Variants in APCDD1 observed in about 807,000 individuals in gnomAD.
APCDD1 encodes protein APCDD1.
A neutral mutation model predicts 38.1 loss-of-function variants in APCDD1; 15 were observed. That is an observed-to-expected ratio of 0.39 (90% CI 0.26 to 0.61). The LOEUF (loss-of-function observed/expected upper bound fraction) is 0.61. Ranked by LOEUF, APCDD1 falls within the 20% of genes least tolerant of loss-of-function variation. The probability of loss-of-function intolerance (pLI) is 0.49; values close to 1 mark genes in which losing one functional copy is unlikely to be tolerated. For synonymous variants in APCDD1, 261 were observed against 279.7 expected, an observed-to-expected ratio of 0.93 and a Z score of 0.67; for missense variants, 647 against 696.2, an observed-to-expected ratio of 0.93 and a Z score of 0.79.
rs2031331806 is a variant in APCDD1, at chr18:10,489,821, G to GA, written c.*1783_*1784insA. 1 of 152,036 alleles carries GA rather than the reference G, an allele frequency of 6.6e-6. No individual in the cohort carries two copies. The highest frequency in any genetic ancestry group is 2.4e-5 in the African/African-American group (1 of 41,392). The allele number at this position is 152,036 out of a possible 1,614,324, so 9.4% of individuals were successfully genotyped here. On this transcript the variant is annotated 3_prime_UTR_variant, in exon 5 of 5. Coordinates refer to ENST00000355285, the MANE Select transcript of APCDD1 (RefSeq NM_153000.5). ...TTTAAGTTGTGGTGCAGACTGAGGG[G>GA]GCTTATTCAAAATGAAAATACTAAC...
At chr18:10,455,130 G>C in intron 1 of APCDD1, 91 bp downstream of exon 1, 1 of 1,527,014 alleles carries the variant, frequency 6.5e-7, no homozygotes, top group Non-Finnish European at 8.8e-7. Flanking sequence ...CTGGATCGCG[G>C]CACGGCCTAC....
At chr18:10,461,768 C>T (rs995713836) in intron 1 of APCDD1, among the ~76,000 whole-genome samples, 44 of 152,248 alleles carry the variant, frequency 2.9e-4, no homozygotes, top group African/African-American at 1.0e-3. Flanking sequence ...CTCTTTTTTG[C>T]AGATTCACTC....
intron 3 of APCDD1, among the ~76,000 whole-genome samples, chr18:10,480,899 A>G (rs1215559845): frequency 6.6e-6 from 1 of 151,922 alleles, no homozygotes; most frequent in East Asian, 1.9e-4. Flanking sequence ...TGTCTCAAAA[A>G]AAGAAAAAAA....
At chr18:10,473,925 ATTTTTTTTTT>A (rs10691722) in intron 3 of APCDD1, among the ~76,000 whole-genome samples, 1 of 127,816 alleles carries the variant, frequency 7.8e-6, no homozygotes, top group East Asian at 2.2e-4. Context: ...CCTTTCTGGG[ATTTTTTTTTT>A]TTTTTTTTTA....
Position 10,488,308 on chromosome 18 carries a change from C to T in APCDD1, c.*270C>T, listed in dbSNP as rs953951531. The T allele has an allele frequency of 2.3e-5, 10 of 431,934 alleles. No homozygotes were observed. Among genetic ancestry groups the T allele is most frequent in the Middle Eastern group, 6.2e-4 (1 of 1,616 alleles). The allele number at this position is 431,934 out of a possible 1,614,324, so 26.8% of individuals were successfully genotyped here. On this transcript the variant is annotated 3_prime_UTR_variant, in exon 5 of 5. Transcript: ENST00000355285. ...AAGACAGCCTAGAGTTCTGGACGAG[C>T]GTGTTTGGTAGCAGGGATGAAAGCT...
chr18:10,470,926 C>T lies in APCDD1; in HGVS notation c.243-604C>T, dbSNP rs966711834. Among the ~76,000 whole-genome samples the T allele has an allele frequency of 6.6e-6, 1 of 152,186 alleles. No individual in the cohort carries two copies. The highest frequency in any genetic ancestry group is 2.4e-5 in the African/African-American group (1 of 41,452). ...TGCCAGCTTTGCTTTTAGTTAATTG[C>T]CCCCTTTACTTTTCTACTAGAGAGA... On this transcript the variant is annotated intron_variant, in intron 2 of 4. Transcript: ENST00000355285. The surrounding 1 kb of genome is among the most constrained non-coding windows in gnomAD (Gnocchi z 4.1).
In APCDD1 at chr18:10,485,827, G is replaced by A. The variant is rs191517134; in HGVS notation, c.1096+44G>A. 5,676 of 1,594,272 alleles carry A rather than the reference G, an allele frequency of 3.6e-3. 18 individuals are homozygous for A. Among genetic ancestry groups the A allele is most frequent in the Non-Finnish European group, 4.3e-3 (5,054 of 1,170,780 alleles). ...GTCCCAGTATCACAGCCAATAAACA[G>A]CCCTGTGACATTTTTGTGGAGGCAG... is the stretch of plus-strand genomic sequence containing the variant. On this transcript the variant is annotated intron_variant, in intron 4 of 4. Coordinates refer to ENST00000355285, the MANE Select transcript of APCDD1 (RefSeq NM_153000.5). This position sits in a 1 kb window ranked among gnomAD's most constrained non-coding sequence, Gnocchi z 5.8.
At position 10,471,805 on chromosome 18, in the gene APCDD1, G is replaced by T. The variant is rs752826847; in HGVS notation, c.518G>T (p.Gly173Val). Residue 173 changes from glycine (G) to valine (V), a missense_variant, in exon 3 of 5, where the codon GGC (glycine) becomes GTC (valine). Transcript: ENST00000355285. This position sits in a 1 kb window ranked among gnomAD's most constrained non-coding sequence, Gnocchi z 5.5. Reference sequence around the variant, plus strand: ...CAGCAGGTGAACCGCACATGCCCGGGCTTCCTCGCAGACGGGGGTCCCTGG... The same window carrying T: ...CAGCAGGTGAACCGCACATGCCCGGTCTTCCTCGCAGACGGGGGTCCCTGG... ...LGQQVNRTCP[G>V]FLADGGPWVQ... 44 of 1,613,570 alleles carry T rather than the reference G, an allele frequency of 2.7e-5. No homozygotes were observed. The highest frequency in any genetic ancestry group is 3.3e-5 in the Admixed American group (2 of 60,008).
In APCDD1 at chr18:10,487,741, A is replaced by T. The variant is rs778212807; in HGVS notation, c.1248A>T (p.Lys416Asn). Residue 416 changes from lysine to asparagine, a missense_variant, in exon 5 of 5, where the codon AAA becomes AAT. Physicochemically the swap from Lys to Asn is moderately conservative, Grantham distance 94 (BLOSUM62 0). Coordinates refer to ENST00000355285, the MANE Select transcript of APCDD1 (RefSeq NM_153000.5). Reference sequence around the variant, plus strand: ...ATGGCTGCGTGGCCCTGGGCATCAAACTACCTCACACGGAGTACGAGATCT... The same window carrying T: ...ATGGCTGCGTGGCCCTGGGCATCAATCTACCTCACACGGAGTACGAGATCT... ...HTNGCVALGIKLPHTEYEIFK... is the reference protein window; with the variant it reads ...HTNGCVALGINLPHTEYEIFK... 6.2e-7 allele frequency: 1 copy of T among 1,614,138 alleles called. No individual in the cohort carries two copies. The highest frequency in any genetic ancestry group is 1.1e-5 in the South Asian group (1 of 91,080).
At chr18:10,455,121 T>C in intron 1 of APCDD1, 82 bp downstream of exon 1, 1 of 1,535,800 alleles carries the variant, frequency 6.5e-7, no homozygotes, top group East Asian at 2.5e-5. Context: ...GCGTCGGGTC[T>C]GGATCGCGGC....
intron 1 of APCDD1, among the ~76,000 whole-genome samples, chr18:10,463,079 C>T (rs1384532775): frequency 6.6e-6 from 1 of 152,020 alleles, no homozygotes; most frequent in African/African-American, 2.4e-5. Flanking sequence ...CCCTCTGCCC[C>T]TTGTCCTAGG....
At chr18:10,473,156 A>G (rs895765884) in intron 3 of APCDD1, among the ~76,000 whole-genome samples, 5 of 152,304 alleles carry the variant, frequency 3.3e-5, no homozygotes, top group Admixed American at 1.3e-4. Context: ...ACTCATAACC[A>G]ATAGAGGTAT....
chr18:10,470,303 C>T lies in APCDD1; in HGVS notation c.243-1227C>T, dbSNP rs1257082451. Among the ~76,000 whole-genome samples the T allele has an allele frequency of 6.6e-6, 1 of 152,194 alleles. No individual in the cohort carries two copies. The highest frequency in any genetic ancestry group is 1.5e-5 in the Non-Finnish European group (1 of 68,020). On this transcript the variant is annotated intron_variant, in intron 2 of 4. Coordinates refer to ENST00000355285, the MANE Select transcript of APCDD1 (RefSeq NM_153000.5). The surrounding 1 kb of genome is among the most constrained non-coding windows in gnomAD (Gnocchi z 4.1). Reference sequence around the variant, plus strand: ...GAATCACTGCTTACACTAAACTTCTCTTTCCTTGTGGGAGAAATCTGGGGT... The same window carrying T: ...GAATCACTGCTTACACTAAACTTCTTTTTCCTTGTGGGAGAAATCTGGGGT...
At chr18:10,479,854 G>T in intron 3 of APCDD1, among the ~76,000 whole-genome samples, 1 of 152,192 alleles carries the variant, frequency 6.6e-6, no homozygotes, top group African/African-American at 2.4e-5. Flanking sequence ...GAATCAGAGA[G>T]CAGAGTAGGC....
At chr18:10,458,996 T>C (rs1035797095) in intron 1 of APCDD1, among the ~76,000 whole-genome samples, 3 of 152,192 alleles carry the variant, frequency 2.0e-5, no homozygotes, top group African/African-American at 4.8e-5. Context: ...GTGATAGGTA[T>C]GTACATCTCA....
At position 10,454,766 on chromosome 18, in the gene APCDD1, C is replaced by T. The variant is rs2030321479; in HGVS notation, c.-216C>T. The T allele has an allele frequency of 2.0e-6, 2 of 980,126 alleles. No individual in the cohort carries two copies. Among genetic ancestry groups the T allele is most frequent in the African/African-American group, 1.8e-5 (1 of 56,670 alleles). 60.7% of individuals were successfully genotyped at this position (980,126 alleles called of 1,614,324 possible). ...GCGGCAGAGAGGCCGGGACGCGGAC[C>T]GGGCCGGGGCGCCCACAGCCGCCCG... is the stretch of plus-strand genomic sequence containing the variant. On this transcript the variant is annotated 5_prime_UTR_variant, in exon 1 of 5. Transcript: ENST00000355285.
rs535479319 is a variant in APCDD1, at chr18:10,470,686, T to C, written c.243-844T>C. Among the ~76,000 whole-genome samples, 3 of 152,308 alleles carry C rather than the reference T, an allele frequency of 2.0e-5. No individual in the cohort carries two copies. Among genetic ancestry groups the C allele is most frequent in the African/African-American group, 7.2e-5 (3 of 41,570 alleles). ...TAACAAAAGGCTAAGGCCAGGTCATTTGGCCAGGGCTTTAAGTACCTCCCC... is the reference window on the plus strand; with the variant it reads ...TAACAAAAGGCTAAGGCCAGGTCATCTGGCCAGGGCTTTAAGTACCTCCCC... On this transcript the variant is annotated intron_variant, in intron 2 of 4. Transcript: ENST00000355285. The surrounding 1 kb of genome is among the most constrained non-coding windows in gnomAD (Gnocchi z 4.1).
At chr18:10,478,690 G>A (rs979438317) in intron 3 of APCDD1, among the ~76,000 whole-genome samples, 5 of 152,116 alleles carry the variant, frequency 3.3e-5, no homozygotes, top group African/African-American at 7.2e-5. Flanking sequence ...CCTCACATTC[G>A]TGGTAAGGAT....
Position 10,467,535 on chromosome 18 carries a change from A to C in APCDD1, c.59-934A>C, listed in dbSNP as rs185104004. On this transcript the variant is annotated intron_variant, in intron 1 of 4. Coordinates refer to ENST00000355285, the MANE Select transcript of APCDD1 (RefSeq NM_153000.5). This position sits in a 1 kb window ranked among gnomAD's most constrained non-coding sequence, Gnocchi z 4.8. ...ACCAGTTTTAATTGCTTTATTCTGAACATTAGGCTGGTGGTAGTTTTGCAT... is the reference window on the plus strand; with the variant it reads ...ACCAGTTTTAATTGCTTTATTCTGACCATTAGGCTGGTGGTAGTTTTGCAT... 1.7e-3 allele frequency among the ~76,000 whole-genome samples: 258 copies of C among 152,326 alleles called. No individual in the cohort carries two copies. The highest frequency in any genetic ancestry group is 2.6e-3 in the Non-Finnish European group (179 of 68,036).
Sources: allele counts gnomAD v4.1 joint callset (sites outside exome capture counted in the v4.1 genomes callset), GRCh38; gene constraint gnomAD v4.1.1; non-coding constraint Gnocchi (gnomAD v3.1); transcripts MANE v1.5; gene names NCBI Gene and HGNC (gene_info 2026-07-23, HGNC 2026-07-21).